Variants in FBXL7 observed in about 807,000 individuals in gnomAD.
The protein encoded by FBXL7 is F-box/LRR-repeat protein 7.
FBXL7 carries 12 observed loss-of-function variants against 38.3 expected under a neutral mutation model. The observed-to-expected ratio is 0.31, with a 90% CI of 0.20 to 0.51. FBXL7 has a LOEUF of 0.51. Ranked by LOEUF, FBXL7 falls within the 20% of genes least tolerant of loss-of-function variation. The probability of loss-of-function intolerance (pLI) is 0.98; values close to 1 mark genes in which losing one functional copy is unlikely to be tolerated. For synonymous variants in FBXL7, 297 were observed against 300.9 expected (o/e 0.99, Z 0.13); for missense variants, 567 against 676.4 (o/e 0.84, Z 1.79).
chr5:15,605,474 G>A (rs1739975427), intron 1 of FBXL7, among the ~76,000 whole-genome samples: 1 of 152,186 alleles, frequency 6.6e-6, no homozygotes, highest in Non-Finnish European at 1.5e-5. Context: ...GGTGGAATAA[G>A]CTAGATACAG....
intron 1 of FBXL7, among the ~76,000 whole-genome samples, chr5:15,559,008 G>T (rs1362441382): frequency 1.3e-5 from 2 of 152,176 alleles, no homozygotes; most frequent in Non-Finnish European, 2.9e-5. Context: ...TACCAAAGAC[G>T]GTGCCTGGCA....
At chr5:15,877,153 T>C (rs1740245255) in intron 2 of FBXL7, among the ~76,000 whole-genome samples, 1 of 152,198 alleles carries the variant, frequency 6.6e-6, no homozygotes, top group African/African-American at 2.4e-5. Context: ...AAGCTGTCGC[T>C]GGCTTCACAA....
chr5:15,913,439 T>C (rs1311143023), intron 2 of FBXL7, among the ~76,000 whole-genome samples: 2 of 152,188 alleles, frequency 1.3e-5, no homozygotes, highest in African/African-American at 4.8e-5. Context: ...TCTAATTACT[T>C]ATTGATCTTT....
intron 1 of FBXL7, among the ~76,000 whole-genome samples, chr5:15,542,198 A>T (rs7735333): frequency 0.015 from 2,206 of 151,822 alleles, 148 homozygotes; most frequent in Admixed American, 0.12. Flanking sequence ...TTTTTTTTTT[A>T]AATACCAATT....
chr5:15,576,427 T>G (rs1264576155), intron 1 of FBXL7, among the ~76,000 whole-genome samples: 1 of 152,140 alleles, frequency 6.6e-6, no homozygotes, highest in Non-Finnish European at 1.5e-5. Flanking sequence ...TTAGGCTGGG[T>G]TTATCCTGAA....
At position 15,720,311 on chromosome 5, in the gene FBXL7, G is replaced by C. The variant is rs1044140802; in HGVS notation, c.127+104239G>C. ...CATTATTCAAGGATCAGGTGGAAGA[G>C]GATAGTGGAAAGGACTGAGGGTAAA... On this transcript the variant is annotated intron_variant, in intron 2 of 3. Transcript: ENST00000504595. Among the ~76,000 whole-genome samples the C allele has an allele frequency of 6.1e-5, 9 of 148,450 alleles. 1 individual carries two copies. The highest frequency in any genetic ancestry group is 1.4e-4 in the Non-Finnish European group (9 of 66,520).
At chr5:15,901,712 C>G (rs1741237832) in intron 2 of FBXL7, among the ~76,000 whole-genome samples, 1 of 152,188 alleles carries the variant, frequency 6.6e-6, no homozygotes, top group African/African-American at 2.4e-5. Context: ...GATAATTTCT[C>G]TCACTTCAAA....
chr5:15,561,214 C>T (rs924355691), intron 1 of FBXL7, among the ~76,000 whole-genome samples: 1 of 152,040 alleles, frequency 6.6e-6, no homozygotes, highest in Non-Finnish European at 1.5e-5. Context: ...ACCTCTTGAC[C>T]TCTATCTATT....
intron 2 of FBXL7, among the ~76,000 whole-genome samples, chr5:15,851,547 C>G (rs1036656777): frequency 2.0e-5 from 3 of 152,190 alleles, no homozygotes; most frequent in African/African-American, 7.2e-5. Context: ...TGTTTAGCCT[C>G]TTGTTCTGCC....
rs1201909578 is a variant in FBXL7 at position 15,702,998 on chromosome 5, T to G, written c.127+86926T>G. 3.3e-5 allele frequency among the ~76,000 whole-genome samples: 5 copies of G among 152,156 alleles called. No homozygotes were observed. The East Asian group carries it at 9.6e-4, about 29-fold the overall frequency. ...CCAGGATGAGCCAGGAGAAGGAATT[T>G]CACAAGATAACGTCATCAGTTAAGG... On this transcript the variant is annotated intron_variant, in intron 2 of 3. Coordinates refer to ENST00000504595, the MANE Select transcript of FBXL7 (RefSeq NM_012304.5).
chr5:15,526,895 T>C (rs1365554602), intron 1 of FBXL7, among the ~76,000 whole-genome samples: 3 of 152,204 alleles, frequency 2.0e-5, no homozygotes, highest in African/African-American at 7.2e-5. Context: ...AGAAAGTCCT[T>C]GAAACTGTTG....
chr5:15,700,726 T>G (rs915011006), intron 2 of FBXL7, among the ~76,000 whole-genome samples: 2 of 152,256 alleles, frequency 1.3e-5, no homozygotes, highest in African/African-American at 2.4e-5. Flanking sequence ...CAAACTTGGT[T>G]GATACTTTTT....
At chr5:15,767,738 A>C (rs185779272) in intron 2 of FBXL7, among the ~76,000 whole-genome samples, 1 of 152,328 alleles carries the variant, frequency 6.6e-6, no homozygotes, top group Non-Finnish European at 1.5e-5. Context: ...TATTTATAAT[A>C]ATTAGACTCC....
intron 2 of FBXL7, among the ~76,000 whole-genome samples, chr5:15,667,027 T>A (rs999785813): frequency 2.0e-5 from 3 of 152,168 alleles, no homozygotes; most frequent in Non-Finnish European, 2.9e-5. Flanking sequence ...GTGGTGAAAA[T>A]TGGAGACTTC....
chr5:15,528,941 T>A (rs550349241), intron 1 of FBXL7, among the ~76,000 whole-genome samples: 40 of 152,218 alleles, frequency 2.6e-4, no homozygotes, highest in African/African-American at 9.6e-4. Context: ...TATAAGAACA[T>A]AAAATCTACT....
chr5:15,896,524 C>A (rs566547937), intron 2 of FBXL7, among the ~76,000 whole-genome samples: 5 of 152,148 alleles, frequency 3.3e-5, no homozygotes, highest in Non-Finnish European at 5.9e-5. Context: ...GTGGCTCTGG[C>A]GGACCAACAG....
chr5:15,818,393 GT>G (rs1738077190), intron 2 of FBXL7, among the ~76,000 whole-genome samples: 1 of 152,104 alleles, frequency 6.6e-6, no homozygotes. Context: ...CCATTTCTAA[GT>G]TTTTTGGCTA....
At chr5:15,725,117 A>T (rs994182757) in intron 2 of FBXL7, among the ~76,000 whole-genome samples, 2 of 152,082 alleles carry the variant, frequency 1.3e-5, no homozygotes, top group Non-Finnish European at 2.9e-5. Flanking sequence ...GACATTTTCT[A>T]GTATTTTTTC....
intron 1 of FBXL7, among the ~76,000 whole-genome samples, chr5:15,592,016 A>G (rs1243245525): frequency 6.6e-6 from 1 of 152,128 alleles, no homozygotes; most frequent in Non-Finnish European, 1.5e-5. Flanking sequence ...GAGGTTGGCC[A>G]CATCTTTAGC....
Sources: allele counts gnomAD v4.1 joint callset (sites outside exome capture counted in the v4.1 genomes callset), GRCh38; gene constraint gnomAD v4.1.1; transcripts MANE v1.5; gene names NCBI Gene and HGNC (gene_info 2026-07-23, HGNC 2026-07-21).